ARHGAP24: variants seen among roughly 807,000 people sequenced by gnomAD.
The protein encoded by ARHGAP24 is rho GTPase-activating protein 24.
ARHGAP24 carries 50 observed loss-of-function variants against 76.4 expected under a neutral mutation model. The ratio of observed to expected loss-of-function variants is 0.65; its 90% confidence interval spans 0.52 to 0.83. The LOEUF (loss-of-function observed/expected upper bound fraction) is 0.83, where lower values mean the gene tolerates loss of function less well. Ranked by LOEUF, ARHGAP24 falls within the 40% of genes least tolerant of loss-of-function variation. The probability of loss-of-function intolerance (pLI) is 0.00; values close to 1 mark genes in which losing one functional copy is unlikely to be tolerated. For missense variants in ARHGAP24, 930 were observed against 914.2 expected, an observed-to-expected ratio of 1.02 and a Z score of -0.22; for synonymous variants, 345 against 323.3, an observed-to-expected ratio of 1.07 and a Z score of -0.72.
intron 4 of ARHGAP24, among the ~76,000 whole-genome samples, chr4:85,932,365 C>A (rs1293674753): frequency 1.3e-5 from 2 of 151,566 alleles, no homozygotes; most frequent in Admixed American, 1.3e-4. Flanking sequence ...GCAAACACGA[C>A]TTTTCAGGGT....
At position 85,570,659 on chromosome 4, in the gene ARHGAP24, T is replaced by C. The variant is rs1400230437; in HGVS notation, c.118T>C (p.Trp40Arg). ...GGFVKTWHTR[W>R]FVLKGDQLYY... Reference sequence around the variant, plus strand: ...CTTTGTCAAGACTTGGCATACTCGCTGGTTTGTGCTCAAGGGGGATCAGCT... The same window carrying C: ...CTTTGTCAAGACTTGGCATACTCGCCGGTTTGTGCTCAAGGGGGATCAGCT... Residue 40 changes from tryptophan (W) to arginine (R), a missense_variant, in exon 2 of 10, where the codon TGG becomes CGG. Physicochemically the swap from Trp to Arg is moderately radical, Grantham distance 101. Coordinates refer to ENST00000395184, the MANE Select transcript of ARHGAP24 (RefSeq NM_001025616.3). 6.2e-7 allele frequency: 1 copy of C among 1,614,012 alleles called. No homozygotes were observed. Among genetic ancestry groups the C allele is most frequent in the African/African-American group, 1.3e-5 (1 of 74,910 alleles).
intron 1 of ARHGAP24, among the ~76,000 whole-genome samples, chr4:85,543,414 G>A (rs1725786403): frequency 6.6e-6 from 1 of 152,230 alleles, no homozygotes; most frequent in South Asian, 2.1e-4. Context: ...GGTTAGCATG[G>A]AGGGAATGCG....
At chr4:85,990,258 A>G (rs1030093408) in intron 8 of ARHGAP24, 1 of 151,718 alleles carries the variant, frequency 6.6e-6, no homozygotes, top group African/African-American at 2.4e-5. Flanking sequence ...CACTCTGAAA[A>G]CTACTAAACA....
intron 3 of ARHGAP24, among the ~76,000 whole-genome samples, chr4:85,768,776 G>GA (rs1028642196): frequency 1.0e-4 from 15 of 148,614 alleles, no homozygotes; most frequent in South Asian, 6.4e-4. Context: ...GATTCCATCT[G>GA]AAAAAAAAAA....
At chr4:85,573,239 A>G (rs1176658847) in intron 2 of ARHGAP24, among the ~76,000 whole-genome samples, 4 of 152,162 alleles carry the variant, frequency 2.6e-5, no homozygotes, top group Non-Finnish European at 5.9e-5. Context: ...AGCACTGAGA[A>G]TTTTAACATT....
rs202079344 is a variant in ARHGAP24, at chr4:85,582,476, G to A, written c.180+11755G>A. On this transcript the variant is annotated intron_variant, in intron 2 of 9. Coordinates refer to ENST00000395184, the MANE Select transcript of ARHGAP24 (RefSeq NM_001025616.3). ...GGACAATCAGACTGCTCCCTTTAAA[G>A]CCCTTTCCATCCAAAATTATGAGAT... Among the ~76,000 whole-genome samples the A allele has an allele frequency of 1.1e-4, 16 of 152,140 alleles. 1 individual carries two copies. The East Asian group carries it at 2.9e-3, about 27-fold the overall frequency.
At chr4:85,964,017 A>G (rs1049923803) in intron 5 of ARHGAP24, among the ~76,000 whole-genome samples, 14 of 152,108 alleles carry the variant, frequency 9.2e-5, no homozygotes, top group African/African-American at 3.4e-4. Context: ...ACCAGTTAAT[A>G]TGGTATTGTG....
intron 3 of ARHGAP24, among the ~76,000 whole-genome samples, chr4:85,784,012 A>G (rs535537240): frequency 3.9e-5 from 6 of 152,170 alleles, no homozygotes; most frequent in Non-Finnish European, 8.8e-5. Flanking sequence ...CCTGGTGCCA[A>G]GAAAAATTTA....
intron 3 of ARHGAP24, among the ~76,000 whole-genome samples, chr4:85,731,164 C>CACTACATGCTACA (rs1553925832): frequency 6.6e-6 from 1 of 151,888 alleles, no homozygotes; most frequent in Non-Finnish European, 1.5e-5. Context: ...CCCACAAAAC[C>CACTACATGCTACA]ACCTTCTTAT....
intron 3 of ARHGAP24, among the ~76,000 whole-genome samples, chr4:85,875,979 G>T (rs1421726393): frequency 4.6e-5 from 7 of 151,954 alleles, no homozygotes; most frequent in Non-Finnish European, 8.8e-5. Flanking sequence ...CTGACCTCAG[G>T]TGATCCACCG....
At chr4:85,733,387 A>T (rs1725491470) in intron 3 of ARHGAP24, among the ~76,000 whole-genome samples, 1 of 152,090 alleles carries the variant, frequency 6.6e-6, no homozygotes. Context: ...TTGGTAGGAC[A>T]GTCCCTAAAC....
At chr4:85,531,923 A>G (rs1405931886) in intron 1 of ARHGAP24, among the ~76,000 whole-genome samples, 1 of 152,120 alleles carries the variant, frequency 6.6e-6, no homozygotes, top group African/African-American at 2.4e-5. Flanking sequence ...CCTATTTATT[A>G]CCAACTAACA....
At chr4:85,519,197 C>T (rs1016730419) in intron 1 of ARHGAP24, among the ~76,000 whole-genome samples, 2 of 152,126 alleles carry the variant, frequency 1.3e-5, no homozygotes, top group Admixed American at 6.6e-5. Context: ...TTACAATGAC[C>T]TTGGGAATAA....
intron 3 of ARHGAP24, among the ~76,000 whole-genome samples, chr4:85,852,928 T>C (rs1731322331): frequency 6.6e-6 from 1 of 152,024 alleles, no homozygotes; most frequent in South Asian, 2.1e-4. Context: ...TACACGGGGG[T>C]CAGGGACCCA....
intron 2 of ARHGAP24, among the ~76,000 whole-genome samples, chr4:85,613,957 G>A (rs1026585769): frequency 1.3e-5 from 2 of 152,144 alleles, no homozygotes; most frequent in Non-Finnish European, 2.9e-5. Context: ...AGAAATTGAG[G>A]AGATATCCAT....
chr4:85,954,520 T>C (rs1737797328), intron 5 of ARHGAP24, among the ~76,000 whole-genome samples: 1 of 152,222 alleles, frequency 6.6e-6, no homozygotes, highest in African/African-American at 2.4e-5. Context: ...CAAACATTTA[T>C]CAAGAGAATA....
chr4:85,521,734 G>C (rs1166771558), intron 1 of ARHGAP24, among the ~76,000 whole-genome samples: 6 of 152,122 alleles, frequency 3.9e-5, no homozygotes, highest in Non-Finnish European at 8.8e-5. Flanking sequence ...GTTTCTGTCA[G>C]TTTAAAATTC....
chr4:85,703,233 G>C (rs776015219), intron 2 of ARHGAP24, among the ~76,000 whole-genome samples: 2 of 152,100 alleles, frequency 1.3e-5, no homozygotes, highest in African/African-American at 4.8e-5. Flanking sequence ...TATTCATTTA[G>C]TCAGCTTCCC....
At chr4:85,628,674 G>T (rs999737944) in intron 2 of ARHGAP24, among the ~76,000 whole-genome samples, 2 of 151,962 alleles carry the variant, frequency 1.3e-5, no homozygotes, top group African/African-American at 2.4e-5. Context: ...ATTTATTTAG[G>T]TGCTCTGATG....
Sources: gnomAD v4.1 joint callset for allele counts (sites outside exome capture counted in the v4.1 genomes callset) on GRCh38, gnomAD v4.1.1 for gene constraint, MANE v1.5 for transcripts, NCBI Gene and HGNC (gene_info 2026-07-23, HGNC 2026-07-21) for gene names.